SHANK2: variants seen among roughly 807,000 people sequenced by gnomAD.
SHANK2 encodes SH3 and multiple ankyrin repeat domains protein 2.
Under a neutral mutation model 133.7 loss-of-function variants are expected in SHANK2, and 43 were observed. That is an observed-to-expected ratio of 0.32 (90% confidence interval 0.25 to 0.41). SHANK2 has a LOEUF of 0.41. SHANK2 is among the 10% of genes least tolerant of loss of function. The pLI, the probability that SHANK2 is intolerant of heterozygous loss-of-function variation, is 1.00. For synonymous variants in SHANK2, 1,017 were observed against 952.8 expected, an observed-to-expected ratio of 1.07 and a Z score of -1.24; for missense variants, 1,994 against 2,235.8, an observed-to-expected ratio of 0.89 and a Z score of 2.18.
chr11:70,783,399 C>T (rs911862830), intron 14 of SHANK2, among the ~76,000 whole-genome samples: 3 of 152,058 alleles, frequency 2.0e-5, no homozygotes, highest in Non-Finnish European at 4.4e-5. Context: ...CTGCCCACGG[C>T]GGGACAGAGG....
At chr11:71,184,722 G>A (rs1039162615) in intron 2 of SHANK2, among the ~76,000 whole-genome samples, 25 of 152,344 alleles carry the variant, frequency 1.6e-4, no homozygotes, top group African/African-American at 5.3e-4. Flanking sequence ...GATTAAAGAC[G>A]TCCTTCTTTG....
At chr11:70,621,115 G>A (rs115684639) in intron 17 of SHANK2, among the ~76,000 whole-genome samples, 11 of 152,300 alleles carry the variant, frequency 7.2e-5, no homozygotes, top group South Asian at 4.1e-4. Flanking sequence ...CACCGGGATC[G>A]GGCAGGGTGT....
intron 10 of SHANK2, among the ~76,000 whole-genome samples, chr11:70,903,968 A>T (rs1950061720): frequency 1.3e-5 from 2 of 152,162 alleles, no homozygotes; most frequent in Non-Finnish European, 2.9e-5. Context: ...TTCCAGGAGC[A>T]GCACCCCAAA....
At chr11:70,943,911 C>T (rs559179550) in intron 10 of SHANK2, 31 of 456,536 alleles carry the variant, frequency 6.8e-5, no homozygotes, top group South Asian at 1.7e-4. Context: ...TCTGATCATC[C>T]GTCTTGATTT....
intron 10 of SHANK2, among the ~76,000 whole-genome samples, chr11:70,915,347 G>A (rs1014594372): frequency 1.3e-5 from 2 of 152,274 alleles, no homozygotes; most frequent in African/African-American, 4.8e-5. Flanking sequence ...ACACGCTGGC[G>A]CCTAACATTT....
intron 15 of SHANK2, among the ~76,000 whole-genome samples, chr11:70,689,333 T>C (rs782594142): frequency 6.6e-6 from 1 of 152,098 alleles, no homozygotes; most frequent in Non-Finnish European, 1.5e-5. Flanking sequence ...AATGGTCTAA[T>C]AGAGGAAATC....
Position 70,640,150 on chromosome 11 carries a change from C to T in SHANK2, c.2061+19678G>A, listed in dbSNP as rs182718889. 9.2e-5 allele frequency among the ~76,000 whole-genome samples: 14 copies of T among 152,318 alleles called. No individual in the cohort carries two copies. The East Asian group carries it at 1.3e-3, about 15-fold the overall frequency. On this transcript the variant is annotated intron_variant, in intron 17 of 25. Transcript: ENST00000601538. Reference sequence around the variant, plus strand: ...AAAGATGTGCCCAGGTCCTAATCTCCGGAACTGAGAATGGGATCTTATTTG... The same window carrying T: ...AAAGATGTGCCCAGGTCCTAATCTCTGGAACTGAGAATGGGATCTTATTTG...
chr11:71,079,876 G>GA (rs1590889338), intron 8 of SHANK2, among the ~76,000 whole-genome samples: 1 of 54,548 alleles, frequency 1.8e-5, no homozygotes. Context: ...GGAGGGGAAG[G>GA]GAGGGGAGGG....
intron 1 of SHANK2, among the ~76,000 whole-genome samples, chr11:71,226,123 C>CA (rs1352452195): frequency 1.3e-5 from 2 of 151,432 alleles, no homozygotes; most frequent in Admixed American, 6.6e-5. Flanking sequence ...CTCCATCTTA[C>CA]AAAAAAAGAA....
At chr11:70,875,585 G>A (rs1344839549) in intron 11 of SHANK2, among the ~76,000 whole-genome samples, 1 of 151,890 alleles carries the variant, frequency 6.6e-6, no homozygotes, top group Non-Finnish European at 1.5e-5. Context: ...TGGGAGCTGG[G>A]CATGGTGACT....
chr11:70,820,998 T>C (rs1948508575), intron 11 of SHANK2, among the ~76,000 whole-genome samples: 1 of 152,070 alleles, frequency 6.6e-6, no homozygotes, highest in South Asian at 2.1e-4. Context: ...GGCTTGGGCA[T>C]GTGTAAGGAC....
At chr11:71,181,946 G>C (rs1953566864) in intron 2 of SHANK2, among the ~76,000 whole-genome samples, 2 of 152,156 alleles carry the variant, frequency 1.3e-5, no homozygotes. Context: ...AAGCATCATG[G>C]GTGTGACCAA....
intron 17 of SHANK2, among the ~76,000 whole-genome samples, chr11:70,595,566 CCT>C (rs1176745849): frequency 6.6e-6 from 1 of 152,176 alleles, no homozygotes; most frequent in Non-Finnish European, 1.5e-5. Flanking sequence ...GCCTACAGCC[CCT>C]GTCACAGGAG....
At chr11:70,681,136 GCA>G (rs1945020768) in intron 15 of SHANK2, among the ~76,000 whole-genome samples, 1 of 152,172 alleles carries the variant, frequency 6.6e-6, no homozygotes, top group African/African-American at 2.4e-5. Flanking sequence ...GGGGCTGCCG[GCA>G]CCTGCTGGGA....
intron 1 of SHANK2, among the ~76,000 whole-genome samples, chr11:71,242,803 A>G (rs1954912784): frequency 1.3e-5 from 2 of 152,380 alleles, no homozygotes; most frequent in South Asian, 2.1e-4. Flanking sequence ...CACGTGGAAC[A>G]TTCTCCAGGA....
chr11:71,120,968 C>T (rs1477331142), intron 3 of SHANK2, among the ~76,000 whole-genome samples: 2 of 152,222 alleles, frequency 1.3e-5, no homozygotes, highest in African/African-American at 4.8e-5. Flanking sequence ...CAGGTGATTG[C>T]AAAGATAGGT....
chr11:70,835,347 G>A (rs1034933679), intron 11 of SHANK2, among the ~76,000 whole-genome samples: 2 of 152,138 alleles, frequency 1.3e-5, no homozygotes, highest in African/African-American at 2.4e-5. Context: ...GACGTGCTCC[G>A]CCAGTTCTCG....
At chr11:70,598,283 T>C (rs888229763) in intron 17 of SHANK2, among the ~76,000 whole-genome samples, 4 of 149,522 alleles carry the variant, frequency 2.7e-5, no homozygotes, top group South Asian at 2.2e-4. Flanking sequence ...TGGAGAAGAA[T>C]AGAGGAAGAG....
intron 6 of SHANK2, among the ~76,000 whole-genome samples, chr11:71,102,517 G>C (rs541497612): frequency 1.3e-5 from 2 of 152,286 alleles, no homozygotes; most frequent in South Asian, 4.2e-4. Flanking sequence ...TTAGCAAAAA[G>C]GCTGCTTTCA....
Sources: allele counts gnomAD v4.1 joint callset (sites outside exome capture counted in the v4.1 genomes callset), GRCh38; gene constraint gnomAD v4.1.1; transcripts MANE v1.5; gene names NCBI Gene and HGNC (gene_info 2026-07-23, HGNC 2026-07-21).